The following MACO1 variants were observed in gnomAD, a reference collection of about 807,000 sequenced individuals.
The protein encoded by MACO1 is macoilin.
In MACO1, 14 loss-of-function variants were observed where a neutral mutation model predicts 78.7. The ratio of observed to expected loss-of-function variants is 0.18; its 90% CI spans 0.12 to 0.28. The LOEUF (loss-of-function observed/expected upper bound fraction) is 0.28. Ranked by LOEUF, MACO1 falls within the 10% of genes least tolerant of loss-of-function variation. The probability of loss-of-function intolerance (pLI) is 1.00; values close to 1 mark genes in which losing one functional copy is unlikely to be tolerated. For synonymous variants in MACO1, 288 were observed against 291.6 expected, an observed-to-expected ratio of 0.99 and a Z score of 0.12; for missense variants, 501 against 799.0, an observed-to-expected ratio of 0.63 and a Z score of 4.50.
intron 10 of MACO1, among the ~76,000 whole-genome samples, chr1:25,492,941 C>T (rs541209375): frequency 2.0e-5 from 3 of 152,272 alleles, no homozygotes; most frequent in East Asian, 3.9e-4. Context: ...GTCCCAGCTG[C>T]TCAGGAGGCT....
chr1:25,465,509 G>A (rs967317819), intron 6 of MACO1, among the ~76,000 whole-genome samples: 3 of 152,118 alleles, frequency 2.0e-5, no homozygotes, highest in Admixed American at 6.5e-5. Flanking sequence ...GTGGTATCTC[G>A]TTGTTTTAAT....
intron 6 of MACO1, among the ~76,000 whole-genome samples, chr1:25,473,090 A>G (rs1331573991): frequency 6.6e-6 from 1 of 152,124 alleles, no homozygotes; most frequent in Admixed American, 6.6e-5. Flanking sequence ...TTTTTGATTT[A>G]TGTTTTTCTA....
rs921361408 is a variant in MACO1 at position 25,459,008 on chromosome 1, G to A, written c.1154+116G>A. 27 of 1,326,372 alleles carry A rather than the reference G, an allele frequency of 2.0e-5. No individual in the cohort carries two copies. The South Asian group carries it at 2.0e-4, about 10-fold the overall frequency. 82.2% of individuals were successfully genotyped at this position (1,326,372 alleles called of 1,614,324 possible). A position where few individuals can be genotyped will look rare whatever the true frequency, so the allele number is the denominator to read the frequency against. On this transcript the variant is annotated intron_variant, in intron 6 of 10. Coordinates refer to ENST00000374343, the MANE Select transcript of MACO1 (RefSeq NM_018202.6). The stretch of plus-strand genomic sequence containing the variant: ...GTAATCAGATATTGTGACTAGTGAC[G>A]TGTGGTGTTTTACATGAGTTTGTTG...
chr1:25,461,311 T>A (rs144326719), intron 6 of MACO1, among the ~76,000 whole-genome samples: 7,299 of 151,938 alleles, frequency 0.048, 554 homozygotes, highest in African/African-American at 0.16. Flanking sequence ...TGTATACATA[T>A]GTAACAAACC....
chr1:25,455,792 A>G (rs1004156821), intron 4 of MACO1, among the ~76,000 whole-genome samples: 30 of 152,284 alleles, frequency 2.0e-4, no homozygotes, highest in African/African-American at 3.4e-4. Flanking sequence ...TTGTGAACCA[A>G]TCTTCAAGGA....
chr1:25,436,484 T>G (rs1218783754), intron 1 of MACO1, among the ~76,000 whole-genome samples: 1 of 152,152 alleles, frequency 6.6e-6, no homozygotes, highest in East Asian at 1.9e-4. Flanking sequence ...CTTACTAGAT[T>G]TGGGCATAAT....
chr1:25,446,771 A>G lies in MACO1; in HGVS notation c.90A>G (p.Leu30=). The change falls in exon 2 of 11, where the codon TTA becomes TTG. Residue 30 remains leucine (L), a synonymous_variant. Transcript: ENST00000374343. The part of the protein sequence containing the change: ...ITEGIYGSTF[L]YLKFLVVWAL... Reference sequence around the variant, plus strand: ...TTTTTATATTTTGCAGTACATTTTTATACCTGAAATTCCTGGTGGTGTGGG... The same window carrying G: ...TTTTTATATTTTGCAGTACATTTTTGTACCTGAAATTCCTGGTGGTGTGGG... 4 of 1,611,194 alleles carry G rather than the reference A, an allele frequency of 2.5e-6. No homozygotes were observed. The highest frequency in any genetic ancestry group is 3.4e-6 in the Non-Finnish European group (4 of 1,178,912).
At chr1:25,467,238 A>T (rs1237138763) in intron 6 of MACO1, among the ~76,000 whole-genome samples, 1 of 152,204 alleles carries the variant, frequency 6.6e-6, no homozygotes. Context: ...AGCCTGGGCA[A>T]CAAAGCGAGG....
chr1:25,459,322 TTTTGTTTTTCTG>T (rs2043151295), intron 6 of MACO1, among the ~76,000 whole-genome samples: 1 of 152,164 alleles, frequency 6.6e-6, no homozygotes, highest in Admixed American at 6.5e-5. Flanking sequence ...TTTGTGCTTG[TTTTGTTTTTCTG>T]TTTGTTTTTC....
At position 25,431,072 on chromosome 1, in the gene MACO1, G is replaced by A. The variant is rs1430252527; in HGVS notation, c.-27G>A. 1 of 1,558,742 alleles carries A rather than the reference G, an allele frequency of 6.4e-7. No homozygotes were observed. Among genetic ancestry groups the A allele is most frequent in the Non-Finnish European group, 8.7e-7 (1 of 1,154,820 alleles). ...TGAGGTGAGAGACGGCGGCGGCGGC[G>A]CGGGCACCCGGCCCCCCAGCGGGAG... On this transcript the variant is annotated 5_prime_UTR_variant, in exon 1 of 11. Transcript: ENST00000374343.
chr1:25,458,939 A>G (rs375797497), intron 6 of MACO1, 47 bp downstream of exon 6: 3 of 1,570,988 alleles, frequency 1.9e-6, no homozygotes, highest in Non-Finnish European at 2.6e-6. Flanking sequence ...AGTAAACTTG[A>G]CATACTCTTG....
chr1:25,443,605 T>C (rs1196977024), intron 1 of MACO1, among the ~76,000 whole-genome samples: 4 of 152,234 alleles, frequency 2.6e-5, no homozygotes, highest in Non-Finnish European at 4.4e-5. Context: ...GAATAGTCAC[T>C]AACAAAGATG....
intron 6 of MACO1, among the ~76,000 whole-genome samples, chr1:25,479,123 T>C (rs565289480): frequency 1.3e-5 from 2 of 152,342 alleles, no homozygotes; most frequent in East Asian, 3.9e-4. Flanking sequence ...TTATAATCTA[T>C]TACTTCTGCC....
At chr1:25,475,149 C>T (rs1199899509) in intron 6 of MACO1, among the ~76,000 whole-genome samples, 1 of 151,776 alleles carries the variant, frequency 6.6e-6, no homozygotes, top group African/African-American at 2.4e-5. Flanking sequence ...TCGAGACCAT[C>T]CTGGCTAACA....
intron 7 of MACO1, among the ~76,000 whole-genome samples, chr1:25,484,503 C>T (rs1204630758): frequency 6.6e-6 from 1 of 152,192 alleles, no homozygotes; most frequent in Non-Finnish European, 1.5e-5. Flanking sequence ...TTTTTGTCTT[C>T]TCTCATTTAA....
At chr1:25,484,392 AAAATG>A in intron 7 of MACO1, 118 bp downstream of exon 7, 1 of 971,126 alleles carries the variant, frequency 1.0e-6, no homozygotes, top group Non-Finnish European at 1.4e-6. Flanking sequence ...GTTTTTAAAT[AAAATG>A]TTTAAAATAC....
At chr1:25,437,298 C>CTTTTTTT (rs1173305681) in intron 1 of MACO1, among the ~76,000 whole-genome samples, 1 of 65,874 alleles carries the variant, frequency 1.5e-5, no homozygotes, top group African/African-American at 6.5e-5. Flanking sequence ...CCATGCCTGG[C>CTTTTTTT]TTTTTTTTTT....
chr1:25,473,687 C>T (rs749132636), intron 6 of MACO1, among the ~76,000 whole-genome samples: 2 of 152,170 alleles, frequency 1.3e-5, no homozygotes, highest in African/African-American at 4.8e-5. Context: ...GGGGTGGATT[C>T]CCTGAAGGGA....
chr1:25,491,633 G>A, intron 10 of MACO1, 49 bp downstream of exon 10: 1 of 1,544,850 alleles, frequency 6.5e-7, no homozygotes, highest in South Asian at 1.1e-5. Context: ...ATAATGCACA[G>A]GGATGCACAG....
Sources: gnomAD v4.1 joint callset for allele counts (sites outside exome capture counted in the v4.1 genomes callset) on GRCh38, gnomAD v4.1.1 for gene constraint, MANE v1.5 for transcripts, NCBI Gene and HGNC (gene_info 2026-07-23, HGNC 2026-07-21) for gene names.